The following IAH1 variants were observed in gnomAD, a reference collection of about 807,000 sequenced individuals.
The protein encoded by IAH1 is isoamyl acetate-hydrolyzing esterase 1 homolog.
In IAH1, 24 loss-of-function variants were observed where a neutral mutation model predicts 26.7. The observed-to-expected ratio is 0.90, with a 90% CI of 0.65 to 1.26. The LOEUF (loss-of-function observed/expected upper bound fraction) is 1.26. Ranked by LOEUF, IAH1 falls within the 50% of genes most tolerant of loss-of-function variation. The pLI is 0.00. For synonymous variants in IAH1, 140 were observed against 118.5 expected (o/e 1.18, Z -1.18); for missense variants, 300 against 299.9 (o/e 1.00, Z 0.00).
At chr2:9,492,936 T>C, downstream of IAH1, 2 of 1,613,186 alleles carry the variant, frequency 1.2e-6, no homozygotes. Flanking sequence ...ATCCAAAATA[T>C]CAAGGAGAAA....
In IAH1 at chr2:9,489,092, A is replaced by C. The variant is rs1021800364; in HGVS notation, c.*763A>C. On this transcript the variant is annotated 3_prime_UTR_variant, in exon 6 of 6. Coordinates refer to ENST00000497473, the MANE Select transcript of IAH1 (RefSeq NM_001039613.3). ...ATCAAGTCTTGTGGGGACAGCCCCC[A>C]ACCCTAAGGGCAGGTAGTATTCTAT... is the stretch of plus-strand genomic sequence containing the variant. 3.3e-5 allele frequency: 5 copies of C among 152,244 alleles called. No homozygotes were observed. The highest frequency in any genetic ancestry group is 1.2e-4 in the African/African-American group (5 of 41,536). The allele number at this position is 152,244 out of a possible 1,614,324, so 9.4% of individuals were successfully genotyped here. A position where few individuals can be genotyped will look rare whatever the true frequency, so the allele number is the denominator to read the frequency against.
chr2:9,491,128 A>G (rs1340147216), downstream of IAH1: 3 of 1,613,336 alleles, frequency 1.9e-6, no homozygotes, highest in Non-Finnish European at 2.5e-6. Context: ...ACAGAGATTC[A>G]TACTGTTTAT....
downstream of IAH1, chr2:9,497,121 T>C: frequency 1.2e-6 from 2 of 1,613,966 alleles, no homozygotes; most frequent in Non-Finnish European, 1.7e-6. Context: ...CACCATTACA[T>C]GCACAGGACT....
At chr2:9,506,908 G>A in the IAH1 span, 28 of 152,186 alleles carry the variant, frequency 1.8e-4, no homozygotes, top group African/African-American at 6.3e-4. Flanking sequence ...CGCAACTCTG[G>A]CTTTCTGCCT....
At position 9,489,684 on chromosome 2, in the gene IAH1, C is replaced by A. The variant is rs1194818980; in HGVS notation, c.*1355C>A. On this transcript the variant is annotated 3_prime_UTR_variant, in exon 6 of 6. Transcript: ENST00000497473. The stretch of plus-strand genomic sequence containing the variant: ...TAGAAATAGACCCACAATTTAGAGA[C>A]AATGTATACTAGATTTATCTCCTTT... The A allele has an allele frequency of 8.7e-6, 1 of 114,994 alleles. No homozygotes were observed. Among genetic ancestry groups the A allele is most frequent in the Non-Finnish European group, 1.7e-5 (1 of 59,922 alleles). 7.1% of individuals were successfully genotyped at this position (114,994 alleles called of 1,614,324 possible).
the IAH1 span, among the ~76,000 whole-genome samples, chr2:9,501,609 AG>A: frequency 6.6e-6 from 1 of 152,242 alleles, no homozygotes; most frequent in Non-Finnish European, 1.5e-5. Flanking sequence ...AAATACATAT[AG>A]ATACATATAG....
At chr2:9,481,191 A>T in intron 3 of IAH1, 95 bp from the exon 4 acceptor site, 1 of 1,320,260 alleles carries the variant, frequency 7.6e-7, no homozygotes, top group Non-Finnish European at 1.1e-6. Flanking sequence ...CCCCAGTGAC[A>T]TCATGAATAA....
chr2:9,494,578 T>C (rs531235271), downstream of IAH1: 22 of 1,595,440 alleles, frequency 1.4e-5, no homozygotes, highest in Non-Finnish European at 1.5e-5. Context: ...AATCAAGTAC[T>C]TACAAAATAA....
chr2:9,498,143 C>T (rs907138987), downstream of IAH1, among the ~76,000 whole-genome samples: 5 of 152,286 alleles, frequency 3.3e-5, no homozygotes, highest in African/African-American at 1.2e-4. Context: ...AATCCTCCTG[C>T]CTCAGCCTCA....
At chr2:9,509,503 A>G in the IAH1 span, among the ~76,000 whole-genome samples, 2 of 152,216 alleles carry the variant, frequency 1.3e-5, no homozygotes, top group Non-Finnish European at 2.9e-5. Flanking sequence ...TATGAATAAG[A>G]TAGAGCTATG....
the IAH1 span, chr2:9,502,107 C>A: frequency 2.2e-6 from 3 of 1,380,758 alleles, no homozygotes; most frequent in South Asian, 3.6e-5. Flanking sequence ...AAAACATAAT[C>A]TTGTTTTTCA....
rs754985311 is a variant in IAH1 at position 9,481,400 on chromosome 2, C to T, written c.398C>T (p.Pro133Leu). 6 of 1,614,016 alleles carry T rather than the reference C, an allele frequency of 3.7e-6. No homozygotes were observed. In the African/African-American group the frequency reaches 4.0e-5, roughly 11 times the overall value. Reference sequence around the variant, plus strand: ...GAGAATCGAGTCATTCTCATCACGCCGACCCCACTTTGTGAAACAGCCTGG... The same window carrying T: ...GAGAATCGAGTCATTCTCATCACGCTGACCCCACTTTGTGAAACAGCCTGG... ...IPENRVILIT[P>L]TPLCETAWEE... The change falls in exon 4 of 6, where the codon CCG (proline) becomes CTG (leucine). Residue 133 changes from proline to leucine, a missense_variant. Physicochemically the swap from Pro to Leu is moderately conservative, Grantham distance 98. Transcript: ENST00000497473.
chr2:9,475,078 C>T (rs1572825395), intron 1 of IAH1: 2 of 1,234,186 alleles, frequency 1.6e-6, no homozygotes, highest in East Asian at 5.9e-5. Flanking sequence ...GCTCTCTCGC[C>T]CCATTCCCTG....
the IAH1 span, among the ~76,000 whole-genome samples, chr2:9,504,402 G>A: frequency 6.6e-6 from 1 of 151,948 alleles, no homozygotes. Flanking sequence ...CTGAGATCGC[G>A]CCACTGCACT....
chr2:9,477,215 T>C (rs1243460151), intron 2 of IAH1, among the ~76,000 whole-genome samples: 6 of 152,174 alleles, frequency 3.9e-5, no homozygotes, highest in Admixed American at 2.0e-4. Flanking sequence ...AGTGTCCCCT[T>C]GTGCTGCTTT....
At chr2:9,495,556 TA>T (rs943753846) in intron 6 of IAH1, among the ~76,000 whole-genome samples, 1 of 151,598 alleles carries the variant, frequency 6.6e-6, no homozygotes, top group Admixed American at 6.6e-5. Context: ...CTACTAAAAA[TA>T]AAAAAAATTA....
At chr2:9,475,247 C>G (rs943590542) in intron 1 of IAH1, 1 of 1,259,304 alleles carries the variant, frequency 7.9e-7, no homozygotes, top group African/African-American at 1.5e-5. Flanking sequence ...AGTAGAAATT[C>G]CATTCCTGTG....
chr2:9,500,931 G>A (rs548381477), downstream of IAH1, among the ~76,000 whole-genome samples: 5 of 152,344 alleles, frequency 3.3e-5, no homozygotes, highest in East Asian at 5.8e-4. Context: ...AGAAGCAGCT[G>A]TGGAAAATAT....
chr2:9,474,965 T>C lies in IAH1; in HGVS notation c.81+318T>C. On this transcript the variant is annotated intron_variant, in intron 1 of 5. Coordinates refer to ENST00000497473, the MANE Select transcript of IAH1 (RefSeq NM_001039613.3). The surrounding 1 kb of genome is among the most constrained non-coding windows in gnomAD (Gnocchi z 4.3). ...CGCGGTCTTCCCCTCAGCGCCCTCC[T>C]GGGCAGCGGCCTTTCCCCTCCGGGT... 1 of 1,070,616 alleles carries C rather than the reference T, an allele frequency of 9.3e-7. No homozygotes were observed. The highest frequency in any genetic ancestry group is 1.1e-6 in the Non-Finnish European group (1 of 869,708). The allele number at this position is 1,070,616 out of a possible 1,614,324, so 66.3% of individuals were successfully genotyped here.
Sources: gnomAD v4.1 joint callset for allele counts (sites outside exome capture counted in the v4.1 genomes callset) on GRCh38, gnomAD v4.1.1 for gene constraint, Gnocchi (gnomAD v3.1) non-coding constraint, MANE v1.5 for transcripts, NCBI Gene and HGNC (gene_info 2026-07-23, HGNC 2026-07-21) for gene names.